The following ASMTL variants were observed in gnomAD, a reference collection of about 807,000 sequenced individuals.
ASMTL encodes probable bifunctional dTTP/UTP pyrophosphatase/methyltransferase protein.
Under a neutral mutation model 60.3 loss-of-function variants are expected in ASMTL, and 57 were observed. The observed-to-expected ratio is 0.95, with a 90% CI of 0.76 to 1.18. ASMTL has a LOEUF of 1.18. Among genes scored for constraint, ASMTL ranks in the 50% most tolerant of loss-of-function variants. ASMTL has a pLI of 0.00. For synonymous variants in ASMTL, 419 were observed against 373.0 expected (o/e 1.12, Z -1.42); for missense variants, 981 against 852.6 (o/e 1.15, Z -1.88).
At chrX:1,444,843 G>A (rs1454897510) in intron 1 of ASMTL, among the ~76,000 whole-genome samples, 3 of 152,016 alleles carry the variant, frequency 2.0e-5, no homozygotes, top group African/African-American at 7.2e-5. Context: ...TTTGTGTGAG[G>A]AAGACAACTC....
chrX:1,416,240 T>A (rs1471678011), intron 11 of ASMTL, among the ~76,000 whole-genome samples: 1 of 126,710 alleles, frequency 7.9e-6, no homozygotes, highest in Non-Finnish European at 1.6e-5. Flanking sequence ...CATGCACAGA[T>A]GGGCACAGAC....
At chrX:1,415,926 C>T (rs1306461998) in intron 11 of ASMTL, among the ~76,000 whole-genome samples, 1 of 151,974 alleles carries the variant, frequency 6.6e-6, no homozygotes, top group Non-Finnish European at 1.5e-5. Flanking sequence ...AAGCACACGC[C>T]ACAAGACATG....
chrX:1,441,175 T>C (rs1157027495), intron 2 of ASMTL, among the ~76,000 whole-genome samples: 2 of 152,210 alleles, frequency 1.3e-5, no homozygotes, highest in African/African-American at 2.4e-5. Context: ...GATACTATTA[T>C]ATTAATTGCA....
At chrX:1,432,235 T>C (rs772695870) in intron 6 of ASMTL, 34 bp downstream of exon 6, 37 of 1,543,188 alleles carry the variant, frequency 2.4e-5, no homozygotes, top group Non-Finnish European at 3.1e-5. Flanking sequence ...CTTCCACACG[T>C]GTCCCCCGTC....
At chrX:1,453,385 C>T (rs1569535444), upstream of ASMTL, among the ~76,000 whole-genome samples, 2 of 150,486 alleles carry the variant, frequency 1.3e-5, no homozygotes, top group South Asian at 2.1e-4. Flanking sequence ...CTTGGTGAAG[C>T]ACCGCCCCCA....
At chrX:1,450,688 G>T (rs1319979148) in intron 1 of ASMTL, among the ~76,000 whole-genome samples, 4 of 138,594 alleles carry the variant, frequency 2.9e-5, no homozygotes, top group Non-Finnish European at 6.2e-5. Context: ...ATCCCTAGGG[G>T]GTTCCGGGTC....
intron 2 of ASMTL, among the ~76,000 whole-genome samples, chrX:1,440,562 T>TA (rs2091085102): frequency 6.6e-6 from 1 of 152,226 alleles, no homozygotes; most frequent in Admixed American, 6.5e-5. Flanking sequence ...GACATTATGT[T>TA]AGAGTCATAT....
At chrX:1,407,548 G>C (rs1376673933) in intron 12 of ASMTL, among the ~76,000 whole-genome samples, 1 of 152,024 alleles carries the variant, frequency 6.6e-6, no homozygotes, top group Non-Finnish European at 1.5e-5. Context: ...ATGATGGATG[G>C]ATGGATAGAT....
chrX:1,412,624 A>G (rs2090072860), intron 12 of ASMTL, 108 bp downstream of exon 12: 1 of 1,495,482 alleles, frequency 6.7e-7, no homozygotes. Context: ...CGGCCTCCCA[A>G]AGCGCTGGGA....
rs1234476941 is a variant in ASMTL at position 1,403,156 on chromosome X, T to C, written c.*113A>G. 9.5e-6 allele frequency: 8 copies of C among 846,552 alleles called. No individual in the cohort carries two copies. The African/African-American group carries it at 1.0e-4, about 11-fold the overall frequency. 52.4% of individuals were successfully genotyped at this position (846,552 alleles called of 1,614,324 possible). A position where few individuals can be genotyped will look rare whatever the true frequency, so the allele number is the denominator to read the frequency against. On this transcript the variant is annotated 3_prime_UTR_variant, in exon 13 of 13. Coordinates refer to ENST00000381317, the MANE Select transcript of ASMTL (RefSeq NM_004192.4). The stretch of plus-strand genomic sequence containing the variant: ...GGCAGAGACAGGCTTTTGCTTTCTT[T>C]ATTCAGTCACGACTACACGCTCCTA...
chrX:1,450,033 A>G (rs2091323412), intron 1 of ASMTL, among the ~76,000 whole-genome samples: 1 of 147,604 alleles, frequency 6.8e-6, no homozygotes, highest in Non-Finnish European at 1.5e-5. Flanking sequence ...ACCAGTAACT[A>G]TCCCCCATCA....
At chrX:1,404,172 A>G (rs1484606937) in intron 12 of ASMTL, among the ~76,000 whole-genome samples, 2 of 149,912 alleles carry the variant, frequency 1.3e-5, no homozygotes, top group African/African-American at 5.0e-5. Flanking sequence ...ACGTAGGTAG[A>G]TGGATGGATA....
intron 1 of ASMTL, among the ~76,000 whole-genome samples, chrX:1,443,372 A>G (rs761550705): frequency 0.023 from 985 of 43,696 alleles, 136 homozygotes; most frequent in African/African-American, 0.042. Flanking sequence ...GACACACACC[A>G]CCATCATGGA....
chrX:1,417,297 G>A (rs1474759652), intron 11 of ASMTL, among the ~76,000 whole-genome samples: 1 of 18,120 alleles, frequency 5.5e-5, no homozygotes, highest in Non-Finnish European at 7.4e-4. Flanking sequence ...AGACACAGAC[G>A]GGCACACAGA....
intron 12 of ASMTL, among the ~76,000 whole-genome samples, chrX:1,407,264 A>T (rs2149263277): frequency 6.6e-6 from 1 of 151,430 alleles, no homozygotes; most frequent in East Asian, 1.9e-4. Context: ...GGATAGATGG[A>T]TGCATGGATG....
chrX:1,447,936 T>C lies in ASMTL; in HGVS notation c.93+4812A>G, dbSNP rs1360681698. Reference sequence around the variant, plus strand: ...ATCTTGGACACACCGCCATCTTGGATACACAACACCATCTTGGAAAAGCAC... The same window carrying C: ...ATCTTGGACACACCGCCATCTTGGACACACAACACCATCTTGGAAAAGCAC... On this transcript the variant is annotated intron_variant, in intron 1 of 12. Coordinates refer to ENST00000381317, the MANE Select transcript of ASMTL (RefSeq NM_004192.4). Among the ~76,000 whole-genome samples the C allele has an allele frequency of 1.3e-4, 17 of 132,366 alleles. No homozygotes were observed. The East Asian group carries it at 1.7e-3, about 14-fold the overall frequency. 86.8% of individuals were successfully genotyped at this position (132,366 alleles called of 152,430 possible). A position where few individuals can be genotyped will look rare whatever the true frequency, so the allele number is the denominator to read the frequency against.
intron 6 of ASMTL, among the ~76,000 whole-genome samples, chrX:1,429,077 TAG>T (rs1463336701): frequency 2.0e-5 from 3 of 151,612 alleles, no homozygotes; most frequent in African/African-American, 7.3e-5. Context: ...TTGTATTTAG[TAG>T]AGACGGGGTT....
rs773705709 is a variant in ASMTL at position 1,412,747 on chromosome X, C to T, written c.1630G>A (p.Glu544Lys). ...KVHKLLSRVA[E>K]SCKPGAGLLL... ...GGGCTCTCACCTGGCTTGCAGCTCT[C>T]GGCGACCCTGCTGAGTAACTTGTGG... Residue 544 changes from glutamate (E) to lysine (K), a missense_variant, in exon 12 of 13, where the codon GAG (glutamate) becomes AAG (lysine). Transcript: ENST00000381317. 133 of 1,613,864 alleles carry T rather than the reference C, an allele frequency of 8.2e-5. 1 individual carries two copies. The South Asian group carries it at 1.0e-3, about 12-fold the overall frequency.
chrX:1,415,405 C>T (rs757019756), intron 11 of ASMTL, among the ~76,000 whole-genome samples: 1 of 149,808 alleles, frequency 6.7e-6, no homozygotes, highest in East Asian at 1.9e-4. Context: ...CGGCTACTTG[C>T]ACTGATGATA....
Sources: allele counts gnomAD v4.1 joint callset (sites outside exome capture counted in the v4.1 genomes callset), GRCh38; gene constraint gnomAD v4.1.1; transcripts MANE v1.5; gene names NCBI Gene and HGNC (gene_info 2026-07-23, HGNC 2026-07-21).